The following RAPGEF4 variants were observed in gnomAD, a reference collection of about 807,000 sequenced individuals.
RAPGEF4 encodes the protein Rap guanine nucleotide exchange factor 4.
RAPGEF4 carries 66 observed loss-of-function variants against 147.9 expected under a neutral mutation model. That is an observed-to-expected ratio of 0.45 (90% confidence interval 0.37 to 0.55). The LOEUF (loss-of-function observed/expected upper bound fraction) is 0.55. Among genes scored for constraint, RAPGEF4 ranks in the 20% least tolerant of loss-of-function variants. The pLI, the probability that RAPGEF4 is intolerant of heterozygous loss-of-function variation, is 0.00. For synonymous variants in RAPGEF4, 419 were observed against 442.7 expected (o/e 0.95, Z 0.67); for missense variants, 1,071 against 1,257.3 (o/e 0.85, Z 2.24).
At chr2:172,871,271 C>A (rs976954702) in intron 4 of RAPGEF4, among the ~76,000 whole-genome samples, 9 of 152,140 alleles carry the variant, frequency 5.9e-5, no homozygotes, top group African/African-American at 2.2e-4. Flanking sequence ...AATTAACTTG[C>A]CTTAGACTTG....
intron 23 of RAPGEF4, among the ~76,000 whole-genome samples, chr2:173,024,372 T>TAC (rs879870552): frequency 1.3e-5 from 2 of 149,084 alleles, no homozygotes; most frequent in Non-Finnish European, 3.0e-5. Context: ...CGCCCGCCAC[T>TAC]ACGCCCGGCT....
intron 29 of RAPGEF4, among the ~76,000 whole-genome samples, chr2:173,045,268 T>C (rs1973037): frequency 0.26 from 39,647 of 151,916 alleles, 5,561 homozygotes; most frequent in East Asian, 0.61. Context: ...GGCTGAGAGG[T>C]TTAATTCATG....
At chr2:172,851,219 C>T (rs1040589296) in intron 4 of RAPGEF4, among the ~76,000 whole-genome samples, 11 of 152,114 alleles carry the variant, frequency 7.2e-5, no homozygotes, top group African/African-American at 2.2e-4. Flanking sequence ...CATTCAGAAG[C>T]GGGTTAATTT....
At chr2:172,761,390 C>T (rs560165072) in intron 1 of RAPGEF4, among the ~76,000 whole-genome samples, 1 of 152,186 alleles carries the variant, frequency 6.6e-6, no homozygotes, top group Non-Finnish European at 1.5e-5. Context: ...GATCTGCCCA[C>T]CTCAGCCTCC....
At chr2:172,917,417 G>A in intron 4 of RAPGEF4, 4 of 509,010 alleles carry the variant, frequency 7.9e-6, no homozygotes, top group South Asian at 6.0e-5. Flanking sequence ...CTATTAAGTA[G>A]GCAGCACATT....
rs540937827 is a variant in RAPGEF4, at chr2:173,020,313, T to A, written c.2156-305T>A. The stretch of plus-strand genomic sequence containing the variant: ...GATTACCATCTGGAAACATAACTTG[T>A]GAGATAAATAGCCAAGTGCGGGTTT... On this transcript the variant is annotated intron_variant, in intron 22 of 30. Coordinates refer to ENST00000397081, the MANE Select transcript of RAPGEF4 (RefSeq NM_007023.4). Among the ~76,000 whole-genome samples the A allele has an allele frequency of 1.7e-4, 8 of 47,670 alleles. No homozygotes were observed. In the East Asian group the frequency reaches 4.9e-3, roughly 29 times the overall value. The allele number at this position is 47,670 out of a possible 152,430, so 31.3% of individuals were successfully genotyped here. A position where few individuals can be genotyped will look rare whatever the true frequency, so the allele number is the denominator to read the frequency against.
At chr2:173,021,269 T>C (rs1696058705) in intron 23 of RAPGEF4, among the ~76,000 whole-genome samples, 1 of 152,218 alleles carries the variant, frequency 6.6e-6, no homozygotes, top group Non-Finnish European at 1.5e-5. Context: ...AGTAGCCTGC[T>C]CTCTTTTAAG....
intron 6 of RAPGEF4, among the ~76,000 whole-genome samples, chr2:172,957,776 G>A (rs1688891070): frequency 6.6e-6 from 1 of 152,138 alleles, no homozygotes; most frequent in South Asian, 2.1e-4. Flanking sequence ...TACCCTCTTG[G>A]TCCTGGAACT....
In RAPGEF4 at chr2:172,900,872, T is replaced by G. The variant is rs1364046666; in HGVS notation, c.445-16930T>G. Among the ~76,000 whole-genome samples, 4 of 152,376 alleles carry G rather than the reference T, an allele frequency of 2.6e-5. No homozygotes were observed. The East Asian group carries it at 7.7e-4, about 29-fold the overall frequency. ...TTTATGATTTCTGTTCTATTATTTT[T>G]AAACTGTCAACGACTAAAGTTTTCA... On this transcript the variant is annotated intron_variant, in intron 4 of 30. Transcript: ENST00000397081.
At chr2:172,969,720 G>C (rs6734119) in intron 10 of RAPGEF4, among the ~76,000 whole-genome samples, 13,185 of 152,248 alleles carry the variant, frequency 0.087, 890 homozygotes, top group African/African-American at 0.18. Context: ...CATCAATTGA[G>C]TGCCTGCTGT....
At chr2:172,859,815 C>G (rs972916894) in intron 4 of RAPGEF4, among the ~76,000 whole-genome samples, 3 of 152,162 alleles carry the variant, frequency 2.0e-5, no homozygotes, top group African/African-American at 4.8e-5. Flanking sequence ...CTGAGGCCAT[C>G]TACTGTTTTC....
chr2:172,792,002 A>G (rs1173331081), intron 1 of RAPGEF4, among the ~76,000 whole-genome samples: 1 of 152,204 alleles, frequency 6.6e-6, no homozygotes, highest in Non-Finnish European at 1.5e-5. Flanking sequence ...AGAATCTGCC[A>G]TATCAATGTC....
chr2:172,778,920 T>C (rs1317297695), intron 1 of RAPGEF4, among the ~76,000 whole-genome samples: 1 of 152,232 alleles, frequency 6.6e-6, no homozygotes, highest in Admixed American at 6.5e-5. Flanking sequence ...ATTTATTTTA[T>C]TGAGAACACT....
rs1329077061 is a variant in RAPGEF4, at chr2:172,908,983, AGGTCCTGGAGG to A, written c.445-8806_445-8796del. Among the ~76,000 whole-genome samples the A allele has an allele frequency of 3.9e-5, 6 of 152,100 alleles. No individual in the cohort carries two copies. The East Asian group carries it at 1.2e-3, about 29-fold the overall frequency. ...GAATTGATTTCCTAACTGCCTTTAG[AGGTCCTGGAGG>A]GGTCCTGGAGGGTTTGGACAGGGAG... On this transcript the variant is annotated intron_variant, in intron 4 of 30. Transcript: ENST00000397081.
At chr2:173,044,757 GGC>G (rs1685240003) in intron 29 of RAPGEF4, among the ~76,000 whole-genome samples, 1 of 152,226 alleles carries the variant, frequency 6.6e-6, no homozygotes, top group Non-Finnish European at 1.5e-5. Flanking sequence ...TTCTAAAGGA[GGC>G]GCTCTAATGT....
chr2:172,824,230 TAA>T (rs1689420781), intron 4 of RAPGEF4, among the ~76,000 whole-genome samples: 1 of 152,228 alleles, frequency 6.6e-6, no homozygotes, highest in African/African-American at 2.4e-5. Context: ...GGAAGCTTTT[TAA>T]AAGATTTCCA....
At chr2:172,799,417 CAT>C in intron 3 of RAPGEF4, among the ~76,000 whole-genome samples, 1 of 152,324 alleles carries the variant, frequency 6.6e-6, no homozygotes, top group East Asian at 1.9e-4. Flanking sequence ...TCTTAAGAAA[CAT>C]GAGGCAACAT....
At position 172,926,772 on chromosome 2, in the gene RAPGEF4, A is replaced by T. The variant is rs138476719; in HGVS notation, c.537+4472A>T. On this transcript the variant is annotated intron_variant, in intron 6 of 30. Coordinates refer to ENST00000397081, the MANE Select transcript of RAPGEF4 (RefSeq NM_007023.4). Reference sequence around the variant, plus strand: ...TTTTTAGTAGAGACAAGGTTTCACCATGTTGGTCAGGATGGTCTCGATCTC... The same window carrying T: ...TTTTTAGTAGAGACAAGGTTTCACCTTGTTGGTCAGGATGGTCTCGATCTC... Among the ~76,000 whole-genome samples, 1,119 of 152,236 alleles carry T rather than the reference A, an allele frequency of 7.4e-3. 12 individuals are homozygous for T. The highest frequency in any genetic ancestry group is 0.034 in the Middle Eastern group (10 of 294).
chr2:173,016,437 T>C lies in RAPGEF4; in HGVS notation c.1898T>C (p.Ile633Thr), dbSNP rs774559153. ...GAGTTGGAGAAGATTGTCAAGCAAA[T>C]GTAAGGAAGGGCTTGACTGTGGGGG... ...LPELEKIVKQ[I>T]SEDAKAPQKK... The change falls in exon 19 of 31, where the codon ATC becomes ACC. Residue 633 changes from isoleucine (I) to threonine (T), a missense_variant and splice_region_variant. Physicochemically the swap from Ile to Thr is moderately conservative, Grantham distance 89 (BLOSUM62 -1). Transcript: ENST00000397081. 1.2e-6 allele frequency: 2 copies of C among 1,605,484 alleles called. No individual in the cohort carries two copies. The highest frequency in any genetic ancestry group is 1.7e-6 in the Non-Finnish European group (2 of 1,172,266).
Sources: gnomAD v4.1 joint callset for allele counts (sites outside exome capture counted in the v4.1 genomes callset) on GRCh38, gnomAD v4.1.1 for gene constraint, MANE v1.5 for transcripts, NCBI Gene and HGNC (gene_info 2026-07-23, HGNC 2026-07-21) for gene names.